The following STAG1 variants were observed in gnomAD, a reference collection of about 807,000 sequenced individuals.
STAG1 encodes the protein STAG1 cohesin complex component.
In STAG1, 26 loss-of-function variants were observed where a neutral mutation model predicts 170.9. That is an observed-to-expected ratio of 0.15 (90% CI 0.11 to 0.21). The LOEUF (loss-of-function observed/expected upper bound fraction) is 0.21. Ranked by LOEUF, STAG1 falls within the 10% of genes least tolerant of loss-of-function variation. The pLI is 1.00. For synonymous variants in STAG1, 514 were observed against 497.7 expected, an observed-to-expected ratio of 1.03 and a Z score of -0.44; for missense variants, 964 against 1,509.5, an observed-to-expected ratio of 0.64 and a Z score of 5.99.
In STAG1 at chr3:136,595,676, CAATAAATAAATAAATAAATA is replaced by C. The variant is rs59472050; in HGVS notation, c.297+8613_297+8632del. 2.2e-3 allele frequency among the ~76,000 whole-genome samples: 280 copies of C among 127,432 alleles called. 5 individuals carry two copies. The highest frequency in any genetic ancestry group is 3.8e-3 in the Middle Eastern group (1 of 266). 83.6% of individuals were successfully genotyped at this position (127,432 alleles called of 152,430 possible). A position where few individuals can be genotyped will look rare whatever the true frequency, so the allele number is the denominator to read the frequency against. Reference sequence around the variant, plus strand: ...TGGGCGACAGAGCAAGACTCCATCTCAATAAATAAATAAATAAATAAATAAATAAATAAATAAATAAATAA... The same window carrying C: ...TGGGCGACAGAGCAAGACTCCATCTCAATAAATAAATAAATAAATAAATAA... On this transcript the variant is annotated intron_variant, in intron 4 of 33. Transcript: ENST00000383202.
chr3:136,370,613 T>C (rs1937279373), intron 23 of STAG1, among the ~76,000 whole-genome samples: 1 of 152,196 alleles, frequency 6.6e-6, no homozygotes, highest in African/African-American at 2.4e-5. Flanking sequence ...ACGCAGTGTT[T>C]GGTTTTTTGT....
At chr3:136,406,124 TA>T (rs1424856695) in intron 21 of STAG1, among the ~76,000 whole-genome samples, 1 of 152,298 alleles carries the variant, frequency 6.6e-6, no homozygotes, top group South Asian at 2.1e-4. Flanking sequence ...GATAGCCAAA[TA>T]CTGGACACAA....
intron 6 of STAG1, among the ~76,000 whole-genome samples, chr3:136,523,240 G>C (rs971796599): frequency 6.6e-6 from 1 of 152,044 alleles, no homozygotes; most frequent in African/African-American, 2.4e-5. Context: ...GTCATTTCCC[G>C]GCTTTTTAAT....
rs558996110 is a variant in STAG1 at position 136,500,677 on chromosome 3, T to G, written c.829-381A>C. On this transcript the variant is annotated intron_variant, in intron 8 of 33. Transcript: ENST00000383202. The stretch of plus-strand genomic sequence containing the variant: ...TAAAGGAACATCCCTAATTAACATA[T>G]TTGCTGTTCTAAAAGTAACTTCCTA... Among the ~76,000 whole-genome samples, 6 of 152,316 alleles carry G rather than the reference T, an allele frequency of 3.9e-5. No homozygotes were observed. In the East Asian group the frequency reaches 1.2e-3, roughly 29 times the overall value.
At chr3:136,650,660 T>C (rs190489830) in intron 1 of STAG1, among the ~76,000 whole-genome samples, 17 of 152,288 alleles carry the variant, frequency 1.1e-4, no homozygotes, top group East Asian at 7.7e-4. Flanking sequence ...TCTATATAAA[T>C]GTTAATTTGA....
chr3:136,470,739 G>A (rs1447274803), intron 12 of STAG1, among the ~76,000 whole-genome samples: 1 of 152,096 alleles, frequency 6.6e-6, no homozygotes, highest in African/African-American at 2.4e-5. Flanking sequence ...CAACCCAAAT[G>A]TCCATCAATG....
At chr3:136,608,916 CA>C (rs1939110798) in intron 3 of STAG1, 1 of 151,552 alleles carries the variant, frequency 6.6e-6, no homozygotes, top group Non-Finnish European at 1.5e-5. Context: ...ATATGTTACA[CA>C]TAACAAAGTC....
intron 5 of STAG1, among the ~76,000 whole-genome samples, chr3:136,551,256 A>AGAGG (rs1936384982): frequency 5.4e-5 from 7 of 129,988 alleles, no homozygotes; most frequent in African/African-American, 2.1e-4. Flanking sequence ...AGAGAGAGAG[A>AGAGG]GAGAGGGAGA....
At chr3:136,420,989 T>TC in intron 20 of STAG1, 104 bp downstream of exon 20, 2 of 628,938 alleles carry the variant, frequency 3.2e-6, no homozygotes, top group Non-Finnish European at 2.7e-6. Flanking sequence ...CAGGCTGGTC[T>TC]CCAATTCATG....
intron 1 of STAG1, among the ~76,000 whole-genome samples, chr3:136,640,488 C>T (rs374710440): frequency 9.9e-5 from 15 of 152,002 alleles, no homozygotes; most frequent in Admixed American, 3.3e-4. Context: ...CCTGCCTCAG[C>T]CTCCTGAGTA....
intron 1 of STAG1, among the ~76,000 whole-genome samples, chr3:136,723,489 C>T (rs1306486523): frequency 6.8e-6 from 1 of 146,642 alleles, no homozygotes; most frequent in Admixed American, 6.7e-5. Flanking sequence ...GGAGCCCCTC[C>T]GCCCGGCAGC....
At chr3:136,655,829 T>C (rs1941353958) in intron 1 of STAG1, among the ~76,000 whole-genome samples, 1 of 151,600 alleles carries the variant, frequency 6.6e-6, no homozygotes, top group Admixed American at 6.6e-5. Context: ...TTGGTGGGGA[T>C]GTAAAATGGT....
intron 22 of STAG1, among the ~76,000 whole-genome samples, chr3:136,396,189 G>GC (rs1301929101): frequency 7.3e-6 from 1 of 136,306 alleles, no homozygotes; most frequent in African/African-American, 2.8e-5. Context: ...GGCGTGAGCC[G>GC]CCAGGCCCAG....
chr3:136,377,917 T>G (rs1384555616), intron 22 of STAG1, among the ~76,000 whole-genome samples, 165 bp from the exon 23 acceptor site: 3 of 152,242 alleles, frequency 2.0e-5, no homozygotes, highest in Admixed American at 1.3e-4. Context: ...CTTAGTTATC[T>G]GTCCTAATAG....
intron 7 of STAG1, among the ~76,000 whole-genome samples, chr3:136,505,395 G>A (rs188405311): frequency 6.6e-6 from 1 of 152,326 alleles, no homozygotes; most frequent in East Asian, 1.9e-4. Context: ...AAGTTTATTA[G>A]AAGGTCATTA....
intron 5 of STAG1, among the ~76,000 whole-genome samples, chr3:136,565,011 A>AGGCAGGCAGGCAGGCAGGCAGGC (rs1553746574): frequency 2.2e-5 from 1 of 45,424 alleles, no homozygotes. Flanking sequence ...GGAAGGAAGG[A>AGGCAGGCAGGCAGGCAGGCAGGC]AGGCAGGCAG....
intron 9 of STAG1, 121 bp from the exon 10 acceptor site, chr3:136,477,533 G>A (rs962884053): frequency 3.7e-6 from 3 of 807,566 alleles, no homozygotes; most frequent in East Asian, 2.8e-5. Flanking sequence ...ATTCTGAATG[G>A]CCTCCAACTT....
At chr3:136,479,346 C>T (rs1194624604) in intron 9 of STAG1, among the ~76,000 whole-genome samples, 16 of 125,610 alleles carry the variant, frequency 1.3e-4, no homozygotes, top group Admixed American at 5.0e-4. Context: ...TTTGTTCTTG[C>T]GATAGTTTAC....
chr3:136,690,764 GAT>G (rs969269777), intron 1 of STAG1, among the ~76,000 whole-genome samples: 9 of 152,068 alleles, frequency 5.9e-5, no homozygotes, highest in African/African-American at 2.2e-4. Context: ...GACTGGCAAA[GAT>G]GTGTTGTTAT....
Sources: allele counts gnomAD v4.1 joint callset (sites outside exome capture counted in the v4.1 genomes callset), GRCh38; gene constraint gnomAD v4.1.1; transcripts MANE v1.5; gene names NCBI Gene and HGNC (gene_info 2026-07-23, HGNC 2026-07-21).